Variants in AR observed in about 807,000 individuals in gnomAD.
The protein encoded by AR is dihydrotestosterone receptor.
AR carries 8 observed loss-of-function variants against 53.9 expected under a neutral mutation model. The observed-to-expected ratio is 0.15, with a 90% CI of 0.09 to 0.27. The LOEUF is 0.27. Ranked by LOEUF, AR falls within the 10% of genes least tolerant of loss-of-function variation. The pLI is 1.00. For synonymous variants in AR, 359 were observed against 316.4 expected, an observed-to-expected ratio of 1.13 and a Z score of -1.43; for missense variants, 639 against 742.5, an observed-to-expected ratio of 0.86 and a Z score of 1.62.
intron 2 of AR, among the ~76,000 whole-genome samples, chrX:67,658,282 T>C (rs1926684887): frequency 9.0e-6 from 1 of 111,705 alleles, no homozygotes; most frequent in African/African-American, 3.3e-5. Context: ...GCTGCAGGCT[T>C]TGAGGAGCCA....
chrX:67,625,718 T>C (rs760488677), intron 1 of AR, among the ~76,000 whole-genome samples: 1 of 111,524 alleles, frequency 9.0e-6, no homozygotes, highest in South Asian at 3.7e-4. Context: ...ATAAAAGATT[T>C]TGGACCACTT....
In AR at chrX:67,637,630, A is replaced by G. The variant is rs751048997; in HGVS notation, c.1617-5626A>G. ...CTTTGCTATTGTGAATAGTGCCGCA[A>G]TAAACATACGTGTGCATGACAACAC... On this transcript the variant is annotated intron_variant, in intron 1 of 7. Transcript: ENST00000374690. Among the ~76,000 whole-genome samples the G allele has an allele frequency of 2.7e-5, 3 of 109,439 alleles. No homozygotes were observed. The South Asian group carries it at 1.2e-3, about 45-fold the overall frequency.
intron 2 of AR, among the ~76,000 whole-genome samples, chrX:67,651,959 T>C: frequency 9.0e-6 from 1 of 111,453 alleles, no homozygotes; most frequent in East Asian, 2.8e-4. Flanking sequence ...AGAATTTTGC[T>C]CCTTATGACC....
chrX:67,712,900 T>C (rs1437494062), intron 4 of AR, among the ~76,000 whole-genome samples: 1 of 112,619 alleles, frequency 8.9e-6, no homozygotes, highest in Non-Finnish European at 1.9e-5. Context: ...ATTACCTGAA[T>C]TGATTCTTAT....
In AR at chrX:67,643,379, C is replaced by T. The variant is rs2147436606; in HGVS notation, c.1740C>T (p.Cys580=). 2 of 1,211,070 alleles carry T rather than the reference C, an allele frequency of 1.7e-6. No individual in the cohort carries two copies. Among genetic ancestry groups the T allele is most frequent in the South Asian group, 3.5e-5 (2 of 56,876 alleles). The change falls in exon 2 of 8, where the codon TGC becomes TGT. Residue 580 remains cysteine, a synonymous_variant. Transcript: ENST00000374690. ...CHYGALTCGS[C]KVFFKRAAEG... ...ATGGAGCTCTCACATGTGGAAGCTG[C>T]AAGGTCTTCTTCAAAAGAGCCGCTG... is the stretch of plus-strand genomic sequence containing the variant.
At chrX:67,652,735 T>C (rs996150506) in intron 2 of AR, among the ~76,000 whole-genome samples, 1 of 111,807 alleles carries the variant, frequency 8.9e-6, no homozygotes, top group Non-Finnish European at 1.9e-5. Flanking sequence ...GCTTAGTCCC[T>C]GATAGTCATC....
rs140850854 is a variant in AR, at chrX:67,696,416, G to A, written c.1885+10290G>A. 4.2e-4 allele frequency among the ~76,000 whole-genome samples: 47 copies of A among 111,796 alleles called. No individual in the cohort carries two copies. In the East Asian group the frequency reaches 0.012, roughly 30 times the overall value. On this transcript the variant is annotated intron_variant, in intron 3 of 7. Coordinates refer to ENST00000374690, the MANE Select transcript of AR (RefSeq NM_000044.6). ...CAGTGAGCCCCTTTCTTCTGGCTCA[G>A]TAGTCAGAGAGAGGAGACTTGGAGA... is the stretch of plus-strand genomic sequence containing the variant.
intron 2 of AR, chrX:67,680,936 C>G (rs908916232): frequency 4.2e-6 from 1 of 236,622 alleles, no homozygotes; most frequent in Non-Finnish European, 8.0e-6. Flanking sequence ...CAACATCAGA[C>G]AGTCAAGAAT....
chrX:67,550,245 T>G (rs1484667658), intron 1 of AR, among the ~76,000 whole-genome samples: 4 of 111,877 alleles, frequency 3.6e-5, no homozygotes, highest in Admixed American at 1.9e-4. Context: ...CAGGGTCATT[T>G]TGGGGTGCTT....
intron 2 of AR, among the ~76,000 whole-genome samples, chrX:67,661,513 T>A (rs1361728128): frequency 8.9e-6 from 1 of 111,999 alleles, no homozygotes; most frequent in African/African-American, 3.2e-5. Context: ...TGCTGGATTA[T>A]GTTTATTGAT....
At position 67,622,675 on chromosome X, in the gene AR, C is replaced by A. The variant is rs1038723016; in HGVS notation, c.1617-20581C>A. Among the ~76,000 whole-genome samples the A allele has an allele frequency of 2.4e-4, 27 of 111,374 alleles. 1 individual carries two copies. The highest frequency in any genetic ancestry group is 4.8e-4 in the Admixed American group (5 of 10,478). On this transcript the variant is annotated intron_variant, in intron 1 of 7. Transcript: ENST00000374690. ...GTATGCATTAGGGCCATGGACACCC[C>A]CATCTTATCTTTAAGTAGATTTCAA...
At chrX:67,682,608 A>G (rs1602252563) in intron 2 of AR, among the ~76,000 whole-genome samples, 1 of 111,625 alleles carries the variant, frequency 9.0e-6, no homozygotes, top group Admixed American at 9.5e-5. Context: ...TTATTATTAA[A>G]CTTTGTAAAC....
intron 1 of AR, among the ~76,000 whole-genome samples, chrX:67,577,267 C>G (rs772496088): frequency 2.2e-4 from 24 of 111,057 alleles, no homozygotes; most frequent in Admixed American, 1.1e-3. Flanking sequence ...CATGATGTTT[C>G]CAAGGTTCAT....
intron 7 of AR, among the ~76,000 whole-genome samples, chrX:67,723,312 CTGTGTG>C (rs796606484): frequency 5.3e-4 from 41 of 78,011 alleles, no homozygotes; most frequent in African/African-American, 1.9e-3. Flanking sequence ...GTTTGTCTGT[CTGTGTG>C]TGTGTGTGTG....
chrX:67,716,224 T>TG (rs1398073849), intron 4 of AR, among the ~76,000 whole-genome samples: 2 of 111,936 alleles, frequency 1.8e-5, no homozygotes, highest in Non-Finnish European at 3.8e-5. Context: ...CCAAGTCTTG[T>TG]GGGGGAGACA....
At chrX:67,676,577 C>A (rs1951072234) in intron 2 of AR, among the ~76,000 whole-genome samples, 1 of 111,551 alleles carries the variant, frequency 9.0e-6, no homozygotes, top group Admixed American at 9.6e-5. Flanking sequence ...GTTTTAGTTG[C>A]AAGGTTACTA....
intron 3 of AR, among the ~76,000 whole-genome samples, chrX:67,707,426 T>C (rs2076073516): frequency 8.9e-6 from 1 of 111,769 alleles, no homozygotes; most frequent in Non-Finnish European, 1.9e-5. Context: ...TCTTTGTTGG[T>C]TTAAAGTCTG....
intron 1 of AR, among the ~76,000 whole-genome samples, chrX:67,570,448 A>T (rs190797398): frequency 8.3e-4 from 93 of 112,245 alleles, no homozygotes; most frequent in Middle Eastern, 9.3e-3. Flanking sequence ...TAGGATGTCA[A>T]AAGAGTCAGT....
chrX:67,694,769 T>C, intron 3 of AR: 1 of 1,148,346 alleles, frequency 8.7e-7, no homozygotes, highest in Non-Finnish European at 1.1e-6. Context: ...TAGAGGGCTC[T>C]AGTGGATAGT....
Sources: allele counts gnomAD v4.1 joint callset (sites outside exome capture counted in the v4.1 genomes callset), GRCh38; gene constraint gnomAD v4.1.1; transcripts MANE v1.5; gene names NCBI Gene and HGNC (gene_info 2026-07-23, HGNC 2026-07-21).